Variants in DISP3 observed in about 807,000 individuals in gnomAD.
DISP3 encodes protein dispatched homolog 3.
A neutral mutation model predicts 135.3 loss-of-function variants in DISP3; 101 were observed. The observed-to-expected ratio is 0.75, with a 90% CI of 0.64 to 0.88. The LOEUF (loss-of-function observed/expected upper bound fraction) is 0.88. Among genes scored for constraint, DISP3 ranks in the 40% least tolerant of loss-of-function variants. The probability of loss-of-function intolerance (pLI) is 0.00; values close to 1 mark genes in which losing one functional copy is unlikely to be tolerated. For synonymous variants in DISP3, 856 were observed against 817.0 expected (o/e 1.05, Z -0.81); for missense variants, 1,713 against 1,878.6 (o/e 0.91, Z 1.63).
chr1:11,531,470 C>T lies in DISP3; in HGVS notation c.3230-95C>T, dbSNP rs1004213912. The T allele has an allele frequency of 6.4e-7, 1 of 1,559,242 alleles. No individual in the cohort carries two copies. The highest frequency in any genetic ancestry group is 1.4e-5 in the African/African-American group (1 of 73,786). ...GCCAATGGTTACAAGCACTCTAAGC[C>T]TCAGAGGTATGTGAGTGCGTGGGCA... is the stretch of plus-strand genomic sequence containing the variant. On this transcript the variant is annotated intron_variant, in intron 16 of 20. Coordinates refer to ENST00000294484, the MANE Select transcript of DISP3 (RefSeq NM_020780.2). The surrounding 1 kb of genome is among the most constrained non-coding windows in gnomAD (Gnocchi z 5.2).
chr1:11,529,532 G>A lies in DISP3; in HGVS notation c.2799-24G>A. 6.5e-7 allele frequency: 1 copy of A among 1,538,812 alleles called. No individual in the cohort carries two copies. Among genetic ancestry groups the A allele is most frequent in the South Asian group, 1.2e-5 (1 of 81,308 alleles). On this transcript the variant is annotated intron_variant, in intron 13 of 20. Coordinates refer to ENST00000294484, the MANE Select transcript of DISP3 (RefSeq NM_020780.2). The surrounding 1 kb of genome is among the most constrained non-coding windows in gnomAD (Gnocchi z 4.7). ...ACTCCTCCTAGCCTTTCCGGCCTCA[G>A]CCCAGCCTCCATTCCCTCCACAGGA...
In DISP3 at chr1:11,498,707, G is replaced by A. The variant is rs191489009; in HGVS notation, c.-3-2283G>A. 2.0e-5 allele frequency among the ~76,000 whole-genome samples: 3 copies of A among 152,308 alleles called. No homozygotes were observed. In the East Asian group the frequency reaches 5.8e-4, roughly 29 times the overall value. On this transcript the variant is annotated intron_variant, in intron 1 of 20. Coordinates refer to ENST00000294484, the MANE Select transcript of DISP3 (RefSeq NM_020780.2). ...TAGGGGTTCCAGCCTTTGGAGGGAA[G>A]TAGCATATGAAAGAATAGTAGCTGT...
In DISP3 at chr1:11,520,569, A is replaced by T; in HGVS notation, c.2201-118A>T. On this transcript the variant is annotated intron_variant, in intron 9 of 20. Coordinates refer to ENST00000294484, the MANE Select transcript of DISP3 (RefSeq NM_020780.2). The surrounding 1 kb of genome is among the most constrained non-coding windows in gnomAD (Gnocchi z 4.8). ...GCTGGCATGCAGGGCCTTCCCCCGC[A>T]CCCTTAGGACACCCGCCCCCCAACA... 1.7e-6 allele frequency: 2 copies of T among 1,163,750 alleles called. No individual in the cohort carries two copies. The highest frequency in any genetic ancestry group is 2.4e-6 in the Non-Finnish European group (2 of 829,330). 72.1% of individuals were successfully genotyped at this position (1,163,750 alleles called of 1,614,324 possible).
chr1:11,510,344 G>A (rs1319950455), intron 3 of DISP3, among the ~76,000 whole-genome samples: 2 of 151,778 alleles, frequency 1.3e-5, no homozygotes, highest in Non-Finnish European at 2.9e-5. Context: ...TTTAGTAGTT[G>A]CTTTAGGGTT....
intron 13 of DISP3, 55 bp downstream of exon 13, chr1:11,526,890 C>T: frequency 3.9e-6 from 6 of 1,520,822 alleles, no homozygotes; most frequent in Non-Finnish European, 5.3e-6. Flanking sequence ...CTTCTTTGCC[C>T]TTTTCTCTCT....
chr1:11,503,356 C>T (rs1215798104), intron 3 of DISP3, among the ~76,000 whole-genome samples: 1 of 152,176 alleles, frequency 6.6e-6, no homozygotes, highest in Non-Finnish European at 1.5e-5. Context: ...TCATGACATA[C>T]CATCTGCAAG....
chr1:11,532,154 C>T (rs375228634), intron 17 of DISP3, among the ~76,000 whole-genome samples: 19 of 152,214 alleles, frequency 1.2e-4, no homozygotes, highest in Admixed American at 4.6e-4. Context: ...TCTGGACGCT[C>T]GCTGGGCTCT....
intron 17 of DISP3, among the ~76,000 whole-genome samples, chr1:11,533,111 T>A (rs1303318200): frequency 6.6e-6 from 1 of 151,900 alleles, no homozygotes; most frequent in Non-Finnish European, 1.5e-5. Context: ...AAACTGAAGC[T>A]CTGTCCCTAG....
chr1:11,524,338 GC>G (rs531814835), intron 11 of DISP3, among the ~76,000 whole-genome samples: 279 of 152,068 alleles, frequency 1.8e-3, no homozygotes, highest in Non-Finnish European at 2.8e-3. Flanking sequence ...GGCATCCTGG[GC>G]CCTGAACACT....
At chr1:11,533,348 C>G (rs1642622268) in intron 17 of DISP3, among the ~76,000 whole-genome samples, 1 of 151,066 alleles carries the variant, frequency 6.6e-6, no homozygotes, top group African/African-American at 2.4e-5. Context: ...CTCCGCCTCC[C>G]AGGTTCAAGT....
rs1244818297 is a variant in DISP3 at position 11,519,778 on chromosome 1, G to C, written c.2098G>C (p.Ala700Pro). 2 of 1,613,034 alleles carry C rather than the reference G, an allele frequency of 1.2e-6. No homozygotes were observed. Among genetic ancestry groups the C allele is most frequent in the African/African-American group, 1.3e-5 (1 of 74,936 alleles). Residue 700 changes from alanine (A) to proline (P), a missense_variant, in exon 9 of 21, where the codon GCC becomes CCC. Around this residue, in one of 2 missense-constraint regions of DISP3, gnomAD observed 1,142 missense variants for 1,384.6 expected, o/e 0.82. Transcript: ENST00000294484. The surrounding 1 kb of genome is among the most constrained non-coding windows in gnomAD (Gnocchi z 4.3). ...TGTGTCCCCCGAGGGTCTGCAGCCA[G>C]CCTCCAACACGGGCAGCCGCGGCCA... Reference protein sequence around the residue: ...VSVSPEGLQPASNTGSRGHLI... With the variant: ...VSVSPEGLQPPSNTGSRGHLI...
intron 1 of DISP3, among the ~76,000 whole-genome samples, chr1:11,497,368 C>T (rs981431112): frequency 6.6e-6 from 1 of 151,770 alleles, no homozygotes; most frequent in Non-Finnish European, 1.5e-5. Flanking sequence ...ACCCTTCCCC[C>T]CAAGTCCCCA....
intron 10 of DISP3, among the ~76,000 whole-genome samples, chr1:11,523,125 C>T (rs2100489330): frequency 6.6e-6 from 1 of 152,360 alleles, no homozygotes. Context: ...AAGTCCCTCC[C>T]TGGGCAGGTC....
Position 11,536,843 on chromosome 1 carries a change from C to A in DISP3, c.*157C>A. ...TGACACCCACACAGATGGTGTGGAC[C>A]ATGCTGCCTTGTGGAGCTGGGAGTT... On this transcript the variant is annotated 3_prime_UTR_variant, in exon 21 of 21. Transcript: ENST00000294484. The surrounding 1 kb of genome is among the most constrained non-coding windows in gnomAD (Gnocchi z 4.3). 9.7e-7 allele frequency: 1 copy of A among 1,033,210 alleles called. No homozygotes were observed. The highest frequency in any genetic ancestry group is 1.4e-6 in the Non-Finnish European group (1 of 738,362). The allele number at this position is 1,033,210 out of a possible 1,614,324, so 64.0% of individuals were successfully genotyped here. A position where few individuals can be genotyped will look rare whatever the true frequency, so the allele number is the denominator to read the frequency against.
chr1:11,534,734 G>A (rs1337521268), intron 18 of DISP3, 194 bp downstream of exon 18: 18 of 809,514 alleles, frequency 2.2e-5, no homozygotes, highest in Admixed American at 1.2e-4. Flanking sequence ...ATCTGGCCAC[G>A]TTCTCTGATC....
intron 1 of DISP3, among the ~76,000 whole-genome samples, chr1:11,488,635 CTCTGTGTGTG>C (rs1641101577): frequency 1.2e-5 from 1 of 83,878 alleles, no homozygotes; most frequent in African/African-American, 4.7e-5. Flanking sequence ...AGGGCAGATG[CTCTGTGTGTG>C]TGTGTGTGTG....
chr1:11,494,959 T>C (rs1641291620), intron 1 of DISP3, among the ~76,000 whole-genome samples: 1 of 152,138 alleles, frequency 6.6e-6, no homozygotes, highest in Admixed American at 6.5e-5. Context: ...CCCCATCTGC[T>C]CTGGAGAGGA....
chr1:11,522,827 G>GCCCAGCCAGGA (rs1642271357), intron 10 of DISP3, among the ~76,000 whole-genome samples: 4 of 107,938 alleles, frequency 3.7e-5, no homozygotes, highest in African/African-American at 1.4e-4. Context: ...CCCAGCCAGA[G>GCCCAGCCAGGA]CCCAGCCAGG....
chr1:11,517,900 C>A (rs1557610768), intron 7 of DISP3, among the ~76,000 whole-genome samples: 1 of 152,152 alleles, frequency 6.6e-6, no homozygotes, highest in East Asian at 1.9e-4. Flanking sequence ...AACAATGACT[C>A]AGGGAGGTTG....
Sources: gnomAD v4.1 joint callset for allele counts (sites outside exome capture counted in the v4.1 genomes callset) on GRCh38, gnomAD v4.1.1 for gene constraint, gnomAD v4.1.1 regional missense constraint, Gnocchi (gnomAD v3.1) non-coding constraint, MANE v1.5 for transcripts, NCBI Gene and HGNC (gene_info 2026-07-23, HGNC 2026-07-21) for gene names.